IL1RAPL2: variants seen among roughly 807,000 people sequenced by gnomAD.
IL1RAPL2 encodes interleukin 1 receptor accessory protein like 2.
A neutral mutation model predicts 44.1 loss-of-function variants in IL1RAPL2; 3 were observed. The ratio of observed to expected loss-of-function variants is 0.07; its 90% CI spans 0.03 to 0.18. The LOEUF is 0.18. IL1RAPL2 is among the 10% of genes least tolerant of loss of function. The probability of loss-of-function intolerance (pLI) is 1.00; values close to 1 mark genes in which losing one functional copy is unlikely to be tolerated. For synonymous variants in IL1RAPL2, 181 were observed against 178.8 expected (o/e 1.01, Z -0.10); for missense variants, 391 against 496.4 (o/e 0.79, Z 2.02).
At chrX:105,129,297 G>A (rs1394047040) in intron 2 of IL1RAPL2, among the ~76,000 whole-genome samples, 2 of 110,179 alleles carry the variant, frequency 1.8e-5, no homozygotes, top group Non-Finnish European at 1.9e-5. Context: ...GTCAGGAGGT[G>A]AAAAAAGGGA....
intron 2 of IL1RAPL2, among the ~76,000 whole-genome samples, chrX:104,833,663 C>G (rs1921668364): frequency 9.0e-6 from 1 of 110,963 alleles, no homozygotes; most frequent in Non-Finnish European, 1.9e-5. Flanking sequence ...AAGAGTGTAG[C>G]AAGAATTGGT....
At chrX:105,099,995 C>T (rs994170790) in intron 2 of IL1RAPL2, among the ~76,000 whole-genome samples, 1 of 110,879 alleles carries the variant, frequency 9.0e-6, no homozygotes, top group African/African-American at 3.3e-5. Context: ...TTTCACTTTC[C>T]ATGGTTTCAG....
chrX:105,704,976 T>C (rs749283839), intron 6 of IL1RAPL2, among the ~76,000 whole-genome samples: 1 of 111,788 alleles, frequency 8.9e-6, no homozygotes, highest in East Asian at 2.8e-4. Flanking sequence ...CTGTTTTCTA[T>C]GGTGTTCCTT....
chrX:105,451,671 T>A (rs2036020352), intron 5 of IL1RAPL2, among the ~76,000 whole-genome samples: 1 of 112,001 alleles, frequency 8.9e-6, no homozygotes, highest in African/African-American at 3.2e-5. Context: ...CCCAGATTAG[T>A]CTATCCATAA....
intron 2 of IL1RAPL2, among the ~76,000 whole-genome samples, chrX:104,840,298 T>A (rs930707753): frequency 2.7e-5 from 3 of 112,142 alleles, no homozygotes; most frequent in African/African-American, 9.7e-5. Context: ...TACTTCTTGA[T>A]TTCTGCCTTA....
intron 2 of IL1RAPL2, among the ~76,000 whole-genome samples, chrX:104,835,383 GA>G (rs1250458149): frequency 5.9e-4 from 60 of 101,031 alleles, no homozygotes; most frequent in East Asian, 1.5e-3. Context: ...ATACTATCAG[GA>G]AAAAAAAAAA....
Position 105,240,142 on chromosome X carries a change from G to A in IL1RAPL2, c.543+6138G>A, listed in dbSNP as rs188195546. Among the ~76,000 whole-genome samples, 8 of 112,494 alleles carry A rather than the reference G, an allele frequency of 7.1e-5. No homozygotes were observed. In the East Asian group the frequency reaches 2.2e-3, roughly 32 times the overall value. ...TTGGATTATTTTATCTTTTTCATGA[G>A]TCATGGAATGCAGAACTTTTAATAA... On this transcript the variant is annotated intron_variant, in intron 4 of 10. Transcript: ENST00000372582.
intron 2 of IL1RAPL2, among the ~76,000 whole-genome samples, chrX:105,124,912 T>G (rs999768918): frequency 6.3e-5 from 7 of 110,847 alleles, no homozygotes; most frequent in Non-Finnish European, 1.3e-4. Flanking sequence ...CCCAAATGCA[T>G]TTTCTTTCTC....
chrX:105,492,826 TTTTGG>T (rs1417292700), intron 6 of IL1RAPL2, among the ~76,000 whole-genome samples: 1 of 110,884 alleles, frequency 9.0e-6, no homozygotes, highest in African/African-American at 3.3e-5. Context: ...TTTCAATGAT[TTTTGG>T]TCTATTCACG....
intron 2 of IL1RAPL2, among the ~76,000 whole-genome samples, chrX:105,190,766 C>A (rs1384203385): frequency 2.7e-5 from 3 of 112,220 alleles, no homozygotes; most frequent in African/African-American, 9.7e-5. Context: ...ACTCAATGTT[C>A]TTTTTTTCTA....
intron 2 of IL1RAPL2, among the ~76,000 whole-genome samples, chrX:105,056,435 C>A (rs865893108): frequency 6.3e-5 from 7 of 111,481 alleles, no homozygotes; most frequent in African/African-American, 2.3e-4. Context: ...AAATCCATAC[C>A]TCTGAACTGG....
At chrX:104,903,921 G>A (rs183416279) in intron 2 of IL1RAPL2, among the ~76,000 whole-genome samples, 2 of 111,239 alleles carry the variant, frequency 1.8e-5, no homozygotes, top group African/African-American at 3.3e-5. Flanking sequence ...ATTACAGAAG[G>A]GATAAGTAGT....
intron 2 of IL1RAPL2, among the ~76,000 whole-genome samples, chrX:104,922,244 G>A (rs1924663951): frequency 8.9e-6 from 1 of 112,936 alleles, no homozygotes. Flanking sequence ...ACTGCCATCA[G>A]CGCAAATGCT....
chrX:105,224,271 G>GC (rs1367417978), intron 3 of IL1RAPL2, among the ~76,000 whole-genome samples: 17 of 111,517 alleles, frequency 1.5e-4, no homozygotes, highest in African/African-American at 3.3e-5. Flanking sequence ...AAGGTAAAAA[G>GC]AGTGTTATTA....
intron 6 of IL1RAPL2, among the ~76,000 whole-genome samples, chrX:105,568,485 G>T (rs2036991156): frequency 8.9e-6 from 1 of 111,851 alleles, no homozygotes; most frequent in Admixed American, 9.5e-5. Flanking sequence ...AGAGGTAACG[G>T]AAAGCACCCC....
chrX:105,416,365 T>A (rs1686136579), intron 5 of IL1RAPL2, among the ~76,000 whole-genome samples: 1 of 112,032 alleles, frequency 8.9e-6, no homozygotes, highest in South Asian at 3.7e-4. Context: ...CTTCTGCCTC[T>A]GTGCCTTGTC....
At chrX:105,344,774 A>G (rs1195382289) in intron 5 of IL1RAPL2, among the ~76,000 whole-genome samples, 1 of 111,599 alleles carries the variant, frequency 9.0e-6, no homozygotes, top group Non-Finnish European at 1.9e-5. Flanking sequence ...AAAAATGAGG[A>G]TATGCTGAGA....
intron 5 of IL1RAPL2, among the ~76,000 whole-genome samples, chrX:105,348,967 G>A (rs1330057417): frequency 8.9e-6 from 1 of 112,013 alleles, no homozygotes; most frequent in South Asian, 3.7e-4. Context: ...CAAGATTTAA[G>A]ACTGTGAGGG....
At chrX:105,064,256 T>G (rs1230547047) in intron 2 of IL1RAPL2, among the ~76,000 whole-genome samples, 4 of 111,850 alleles carry the variant, frequency 3.6e-5, no homozygotes, top group Non-Finnish European at 7.5e-5. Flanking sequence ...ACTCAAACCA[T>G]GAGATGCAAT....
Sources: allele counts gnomAD v4.1 joint callset (sites outside exome capture counted in the v4.1 genomes callset), GRCh38; gene constraint gnomAD v4.1.1; transcripts MANE v1.5; gene names NCBI Gene and HGNC (gene_info 2026-07-23, HGNC 2026-07-21).